Variants in NKAIN3 observed in about 807,000 individuals in gnomAD.
The protein encoded by NKAIN3 is sodium/potassium transporting ATPase interacting 3, also known as sodium/potassium-transporting ATPase subunit beta-1-interacting protein 3.
In NKAIN3, 25 loss-of-function variants were observed where a neutral mutation model predicts 30.2. That is an observed-to-expected ratio of 0.83 (90% CI 0.60 to 1.16). NKAIN3 has a LOEUF of 1.16. Among genes scored for constraint, NKAIN3 ranks in the 50% most tolerant of loss-of-function variants. The pLI, the probability that NKAIN3 is intolerant of heterozygous loss-of-function variation, is 0.00. For synonymous variants in NKAIN3, 91 were observed against 89.6 expected (o/e 1.02, Z -0.09); for missense variants, 225 against 254.1 (o/e 0.89, Z 0.78).
intron 1 of NKAIN3, among the ~76,000 whole-genome samples, chr8:62,298,229 G>T (rs1813908364): frequency 6.6e-6 from 1 of 151,462 alleles, no homozygotes; most frequent in South Asian, 2.1e-4. Context: ...GCTAAATGAC[G>T]AGTTAATGGG....
chr8:62,484,308 T>A (rs546409117), intron 1 of NKAIN3, among the ~76,000 whole-genome samples: 1 of 152,358 alleles, frequency 6.6e-6, no homozygotes, highest in Admixed American at 6.5e-5. Context: ...GGCATCTTCC[T>A]ACCCCAACAC....
At chr8:62,682,845 T>A (rs1586084653) in intron 3 of NKAIN3, among the ~76,000 whole-genome samples, 1 of 151,988 alleles carries the variant, frequency 6.6e-6, no homozygotes, top group East Asian at 1.9e-4. Flanking sequence ...CCAAGGAGAA[T>A]CTGAGCTCAG....
At chr8:62,656,014 G>A (rs557367139) in intron 3 of NKAIN3, among the ~76,000 whole-genome samples, 1 of 151,904 alleles carries the variant, frequency 6.6e-6, no homozygotes, top group Non-Finnish European at 1.5e-5. Context: ...ATCATCTCTG[G>A]CCAAACCTCA....
At chr8:62,507,046 G>GT (rs1585885811) in intron 1 of NKAIN3, among the ~76,000 whole-genome samples, 1 of 152,122 alleles carries the variant, frequency 6.6e-6, no homozygotes, top group East Asian at 1.9e-4. Context: ...AATGTAAAAT[G>GT]TTTTTGATTG....
chr8:62,928,524 G>A (rs952060657), intron 5 of NKAIN3, among the ~76,000 whole-genome samples: 7 of 152,162 alleles, frequency 4.6e-5, no homozygotes, highest in African/African-American at 1.4e-4. Flanking sequence ...TCAGAGACTG[G>A]CTGGCTCTTC....
At chr8:62,486,212 T>A (rs1004519682) in intron 1 of NKAIN3, among the ~76,000 whole-genome samples, 3 of 151,780 alleles carry the variant, frequency 2.0e-5, no homozygotes, top group Non-Finnish European at 4.4e-5. Flanking sequence ...GTCTGATGAG[T>A]GGAGAATCGG....
chr8:62,665,708 C>T (rs1242844817), intron 3 of NKAIN3, among the ~76,000 whole-genome samples: 3 of 152,126 alleles, frequency 2.0e-5, no homozygotes, highest in Admixed American at 1.3e-4. Flanking sequence ...CAAGAATAGT[C>T]TGGTGGCTTC....
rs1369613467 is a variant in NKAIN3 at position 62,312,253 on chromosome 8, T to G, written c.54+63126T>G. 1.3e-5 allele frequency among the ~76,000 whole-genome samples: 2 copies of G among 150,764 alleles called. 1 individual carries two copies. The highest frequency in any genetic ancestry group is 5.0e-5 in the African/African-American group (2 of 40,058). On this transcript the variant is annotated intron_variant, in intron 1 of 6. Transcript: ENST00000623646. Reference sequence around the variant, plus strand: ...GTTATGTAGCAGTTTTATTTTAAAATGTAATTAATTAGAGAACAATGGAAA... The same window carrying G: ...GTTATGTAGCAGTTTTATTTTAAAAGGTAATTAATTAGAGAACAATGGAAA...
intron 3 of NKAIN3, among the ~76,000 whole-genome samples, chr8:62,627,663 C>A (rs1428094783): frequency 6.6e-6 from 1 of 152,104 alleles, no homozygotes; most frequent in Non-Finnish European, 1.5e-5. Flanking sequence ...CCTTTCACAA[C>A]CGTTTTCAAG....
intron 1 of NKAIN3, among the ~76,000 whole-genome samples, chr8:62,357,074 C>A (rs1343602897): frequency 6.6e-6 from 1 of 152,114 alleles, no homozygotes; most frequent in East Asian, 1.9e-4. Context: ...TATACTCCAG[C>A]CTGGGCAACA....
At position 62,944,948 on chromosome 8, in the gene NKAIN3, A is replaced by G. The variant is rs193095115; in HGVS notation, c.533-8954A>G. 1.1e-3 allele frequency among the ~76,000 whole-genome samples: 162 copies of G among 152,290 alleles called. 1 individual carries two copies. Among genetic ancestry groups the G allele is most frequent in the Middle Eastern group, 6.8e-3 (2 of 294 alleles). ...TATTTATAGAAACCTTGTTCACAGAAAAAATACAAGAATGGGAAGAAATTT... is the reference window on the plus strand; with the variant it reads ...TATTTATAGAAACCTTGTTCACAGAGAAAATACAAGAATGGGAAGAAATTT... On this transcript the variant is annotated intron_variant, in intron 5 of 6. Transcript: ENST00000623646.
rs553282766 is a variant in NKAIN3, at chr8:62,570,546, G to A, written c.55-8993G>A. Among the ~76,000 whole-genome samples, 8 of 152,182 alleles carry A rather than the reference G, an allele frequency of 5.3e-5. No homozygotes were observed. In the South Asian group the frequency reaches 1.7e-3, roughly 32 times the overall value. ...CAGACAAGAGAAGAGAGCTTGGGGA[G>A]GGAAACTCCCATTTTTAAAACTATC... is the stretch of plus-strand genomic sequence containing the variant. On this transcript the variant is annotated intron_variant, in intron 1 of 6. Coordinates refer to ENST00000623646, the MANE Select transcript of NKAIN3 (RefSeq NM_001304533.3).
At chr8:62,675,882 A>G (rs1813461408) in intron 3 of NKAIN3, among the ~76,000 whole-genome samples, 1 of 152,236 alleles carries the variant, frequency 6.6e-6, no homozygotes, top group Admixed American at 6.5e-5. Context: ...CTTTTAAATT[A>G]GAAAAGGGGA....
Position 62,530,058 on chromosome 8 carries a change from C to T in NKAIN3, c.55-49481C>T, listed in dbSNP as rs573017386. On this transcript the variant is annotated intron_variant, in intron 1 of 6. Coordinates refer to ENST00000623646, the MANE Select transcript of NKAIN3 (RefSeq NM_001304533.3). ...ACACCCAATTCAAAAAAGTTTGAGA[C>T]ACCTTACAATAAGGTCATAGAACTT... 2.1e-3 allele frequency among the ~76,000 whole-genome samples: 315 copies of T among 152,204 alleles called. 4 individuals carry two copies. The highest frequency in any genetic ancestry group is 7.1e-3 in the African/African-American group (294 of 41,546).
At chr8:62,683,698 T>A (rs1298130739) in intron 3 of NKAIN3, among the ~76,000 whole-genome samples, 1 of 152,126 alleles carries the variant, frequency 6.6e-6, no homozygotes, top group Non-Finnish European at 1.5e-5. Flanking sequence ...CAGAATCTCA[T>A]AAGCATTTCA....
intron 1 of NKAIN3, among the ~76,000 whole-genome samples, chr8:62,316,353 T>C (rs1479157295): frequency 6.6e-6 from 1 of 152,006 alleles, no homozygotes; most frequent in Non-Finnish European, 1.5e-5. Flanking sequence ...ATATATATAC[T>C]TGTGCCATGT....
chr8:62,803,254 C>T (rs968722786), intron 4 of NKAIN3, among the ~76,000 whole-genome samples: 3 of 152,086 alleles, frequency 2.0e-5, no homozygotes, highest in Non-Finnish European at 2.9e-5. Flanking sequence ...CAGCTCTGCA[C>T]CAAGGGGACC....
intron 1 of NKAIN3, among the ~76,000 whole-genome samples, chr8:62,368,293 G>T (rs1195547481): frequency 1.3e-5 from 2 of 152,118 alleles, no homozygotes; most frequent in Non-Finnish European, 2.9e-5. Context: ...CATAGTACTT[G>T]ATCTCAAAAT....
chr8:62,869,212 G>C (rs1164868951), intron 4 of NKAIN3, among the ~76,000 whole-genome samples: 2 of 152,138 alleles, frequency 1.3e-5, no homozygotes, highest in African/African-American at 2.4e-5. Flanking sequence ...TGTTATATAG[G>C]TATGCATGTG....
Sources: allele counts gnomAD v4.1 joint callset (sites outside exome capture counted in the v4.1 genomes callset), GRCh38; gene constraint gnomAD v4.1.1; transcripts MANE v1.5; gene names NCBI Gene and HGNC (gene_info 2026-07-23, HGNC 2026-07-21).